The following MINAR1 variants were observed in gnomAD, a reference collection of about 807,000 sequenced individuals.
The protein encoded by MINAR1 is major intrinsically disordered Notch2-binding receptor 1.
MINAR1 carries 40 observed loss-of-function variants against 65.1 expected under a neutral mutation model. The ratio of observed to expected loss-of-function variants is 0.61; its 90% CI spans 0.48 to 0.80. MINAR1 has a LOEUF of 0.80. Among genes scored for constraint, MINAR1 ranks in the 30% least tolerant of loss-of-function variants. The pLI, the probability that MINAR1 is intolerant of heterozygous loss-of-function variation, is 0.00. For synonymous variants in MINAR1, 482 were observed against 449.1 expected (o/e 1.07, Z -0.93); for missense variants, 1,128 against 1,148.0 (o/e 0.98, Z 0.25).
At position 79,468,618 on chromosome 15, in the gene MINAR1, T is replaced by C. The variant is rs1372840824; in HGVS notation, c.*234T>C. On this transcript the variant is annotated 3_prime_UTR_variant, in exon 4 of 4. Transcript: ENST00000305428. Reference sequence around the variant, plus strand: ...ACGCATTTTTAGAAGTGCAATATCTTTTCCTACCAAAAGAACATCATGGAC... The same window carrying C: ...ACGCATTTTTAGAAGTGCAATATCTCTTCCTACCAAAAGAACATCATGGAC... The C allele has an allele frequency of 5.3e-5, 28 of 530,116 alleles. No homozygotes were observed. In the East Asian group the frequency reaches 8.5e-4, roughly 16 times the overall value. 32.8% of individuals were successfully genotyped at this position (530,116 alleles called of 1,614,324 possible). A position where few individuals can be genotyped will look rare whatever the true frequency, so the allele number is the denominator to read the frequency against.
chr15:79,467,805 G>A (rs1273889386), intron 3 of MINAR1, among the ~76,000 whole-genome samples: 1 of 152,186 alleles, frequency 6.6e-6, no homozygotes, highest in Non-Finnish European at 1.5e-5. Context: ...AGAGCCTGTT[G>A]GAAGAAAGCA....
rs1326244478 is a variant in MINAR1, at chr15:79,470,616, T to C, written c.*2232T>C. 1.3e-5 allele frequency: 2 copies of C among 152,134 alleles called. No individual in the cohort carries two copies. Among genetic ancestry groups the C allele is most frequent in the Admixed American group, 6.6e-5 (1 of 15,264 alleles). 9.4% of individuals were successfully genotyped at this position (152,134 alleles called of 1,614,324 possible). On this transcript the variant is annotated 3_prime_UTR_variant, in exon 4 of 4. Transcript: ENST00000305428. ...TAGCTACCTTGGGAAGGCATGACTA[T>C]AAGTCACACCTCAGGCTTGGAAATG...
At chr15:79,448,882 C>T (rs1260792144) in intron 1 of MINAR1, among the ~76,000 whole-genome samples, 1 of 152,212 alleles carries the variant, frequency 6.6e-6, no homozygotes, top group African/African-American at 2.4e-5. Flanking sequence ...AATCATCTCT[C>T]TCTCTTTTTG....
At chr15:79,440,048 T>C (rs1485095873) in intron 1 of MINAR1, among the ~76,000 whole-genome samples, 1 of 152,052 alleles carries the variant, frequency 6.6e-6, no homozygotes, top group Admixed American at 6.5e-5. Flanking sequence ...TGGAAATTAT[T>C]TAAAGAACCA....
chr15:79,461,781 C>T (rs1478243458), intron 2 of MINAR1, among the ~76,000 whole-genome samples: 1 of 152,038 alleles, frequency 6.6e-6, no homozygotes, highest in Non-Finnish European at 1.5e-5. Flanking sequence ...CACACATACA[C>T]CACGTGTGCT....
At chr15:79,422,761 G>A in the MINAR1 span, 1 of 152,206 alleles carries the variant, frequency 6.6e-6, no homozygotes, top group Non-Finnish European at 1.5e-5. Flanking sequence ...AAGCTTAAAG[G>A]GCAGATAAGA....
rs941792067 is a variant in MINAR1, at chr15:79,469,167, C to G, written c.*783C>G. 1.1e-4 allele frequency: 17 copies of G among 152,656 alleles called. No homozygotes were observed. Among genetic ancestry groups the G allele is most frequent in the African/African-American group, 3.1e-4 (13 of 41,468 alleles). 9.5% of individuals were successfully genotyped at this position (152,656 alleles called of 1,614,324 possible). ...TAAGGTCAGTATTTGAAAATCATGG[C>G]CACTCCAAAGGATCTCCTGTTCTTG... On this transcript the variant is annotated 3_prime_UTR_variant, in exon 4 of 4. Transcript: ENST00000305428.
intron 2 of MINAR1, among the ~76,000 whole-genome samples, chr15:79,460,541 CCTT>C (rs1159878663): frequency 1.3e-5 from 2 of 151,940 alleles, no homozygotes; most frequent in Non-Finnish European, 2.9e-5. Context: ...TGCAACTCTG[CCTT>C]CTTTTCCATT....
chr15:79,429,060 A>T (rs1894382704), upstream of MINAR1, among the ~76,000 whole-genome samples: 1 of 152,222 alleles, frequency 6.6e-6, no homozygotes, highest in Admixed American at 6.5e-5. Flanking sequence ...CACTGGAGAA[A>T]GAGGAGCTTT....
chr15:79,454,699 CAA>C (rs1039394871), intron 1 of MINAR1, among the ~76,000 whole-genome samples: 6 of 152,070 alleles, frequency 3.9e-5, no homozygotes, highest in African/African-American at 1.4e-4. Flanking sequence ...TACAAAATAA[CAA>C]ATGCTCATTG....
Position 79,457,956 on chromosome 15 carries a change from T to C in MINAR1, c.1809T>C (p.Ile603=). 1 of 1,614,120 alleles carries C rather than the reference T, an allele frequency of 6.2e-7. No homozygotes were observed. Among genetic ancestry groups the C allele is most frequent in the Non-Finnish European group, 8.5e-7 (1 of 1,179,990 alleles). ...KTSVCKLVLR[I]GEIERKLESL... ...GTGTGTGCAAACTGGTGCTCAGGAT[T>C]GGCGAAATTGAACGGAAGCTGGAAT... Residue 603 remains isoleucine, a synonymous_variant, in exon 2 of 4, where the codon ATT becomes ATC. Coordinates refer to ENST00000305428, the MANE Select transcript of MINAR1 (RefSeq NM_015206.3).
chr15:79,432,868 C>T (rs534699359), intron 1 of MINAR1, among the ~76,000 whole-genome samples: 1 of 152,342 alleles, frequency 6.6e-6, no homozygotes, highest in African/African-American at 2.4e-5. Context: ...CCTGGTTGAG[C>T]ATCGCTTCAG....
At chr15:79,434,641 G>T (rs1047921854) in intron 1 of MINAR1, among the ~76,000 whole-genome samples, 1 of 152,200 alleles carries the variant, frequency 6.6e-6, no homozygotes, top group Non-Finnish European at 1.5e-5. Context: ...GCTAGGAAAA[G>T]GTTCTAGATT....
At chr15:79,418,903 A>G in the MINAR1 span, 5 of 152,320 alleles carry the variant, frequency 3.3e-5, no homozygotes, top group Non-Finnish European at 5.9e-5. Context: ...TGATTCCTTC[A>G]TCTTCTCCCA....
upstream of MINAR1, among the ~76,000 whole-genome samples, chr15:79,431,938 G>A (rs1477845350): frequency 6.6e-6 from 1 of 152,196 alleles, no homozygotes; most frequent in Non-Finnish European, 1.5e-5. Context: ...CCCCCTTGGC[G>A]CGACGCCGCG....
intron 3 of MINAR1, chr15:79,463,694 G>C (rs530263246): frequency 1.5e-4 from 74 of 481,138 alleles, no homozygotes; most frequent in Non-Finnish European, 2.5e-4. Context: ...TCCATATGTA[G>C]CACGTGGGAT....
the MINAR1 span, chr15:79,420,318 C>T: frequency 2.0e-5 from 3 of 152,106 alleles, no homozygotes; most frequent in Non-Finnish European, 4.4e-5. Flanking sequence ...GGTGTTTTAT[C>T]GAGCAGTGAT....
Position 79,468,404 on chromosome 15 carries a change from G to C in MINAR1, c.*20G>C. On this transcript the variant is annotated 3_prime_UTR_variant, in exon 4 of 4. Transcript: ENST00000305428. ...TCATGAGCTAAGAATGCAACCTTACGTACAGCTTATGACTACCAATGTCGT... is the reference window on the plus strand; with the variant it reads ...TCATGAGCTAAGAATGCAACCTTACCTACAGCTTATGACTACCAATGTCGT... 1 of 1,608,638 alleles carries C rather than the reference G, an allele frequency of 6.2e-7. No individual in the cohort carries two copies. The highest frequency in any genetic ancestry group is 8.5e-7 in the Non-Finnish European group (1 of 1,176,100).
chr15:79,421,607 TG>T, the MINAR1 span: 1 of 152,222 alleles, frequency 6.6e-6, no homozygotes, highest in Admixed American at 6.5e-5. Flanking sequence ...GAAGAGGTCA[TG>T]CCACCTCCCC....
Sources: allele counts gnomAD v4.1 joint callset (sites outside exome capture counted in the v4.1 genomes callset), GRCh38; gene constraint gnomAD v4.1.1; transcripts MANE v1.5; gene names NCBI Gene and HGNC (gene_info 2026-07-23, HGNC 2026-07-21).